Variants in MAT2B observed in about 807,000 individuals in gnomAD.
MAT2B encodes methionine adenosyltransferase 2 subunit beta.
In MAT2B, 16 loss-of-function variants were observed where a neutral mutation model predicts 36.1. The ratio of observed to expected loss-of-function variants is 0.44; its 90% CI spans 0.30 to 0.67. MAT2B has a LOEUF of 0.67. Among genes scored for constraint, MAT2B ranks in the 30% least tolerant of loss-of-function variants. The pLI is 0.09. For synonymous variants in MAT2B, 148 were observed against 136.9 expected (o/e 1.08, Z -0.57); for missense variants, 332 against 398.2 (o/e 0.83, Z 1.42).
chr5:163,503,204 C>T (rs1759875646), upstream of MAT2B: 2 of 550,722 alleles, frequency 3.6e-6, no homozygotes, highest in African/African-American at 1.9e-5. Context: ...TACCAGCTTA[C>T]TGCCATGTGG....
chr5:163,510,733 A>G (rs551730175), intron 1 of MAT2B, among the ~76,000 whole-genome samples: 1 of 152,304 alleles, frequency 6.6e-6, no homozygotes, highest in Non-Finnish European at 1.5e-5. Flanking sequence ...TTTTGGGTTA[A>G]CTAAGGAACA....
In MAT2B at chr5:163,518,196, A is replaced by G. The variant is rs376794098; in HGVS notation, c.838A>G (p.Thr280Ala). Residue 280 changes from threonine (T) to alanine (A), a missense_variant, in exon 7 of 7, where the codon ACT becomes GCT. By Grantham distance (58) the Thr-to-Ala change is moderately conservative. Coordinates refer to ENST00000321757, the MANE Select transcript of MAT2B (RefSeq NM_013283.5). ...TTGTGTTTATCTTTCTTTAAAGATT[A>G]CTGACAGCCCTGTCCTAGGAGCACA... ...NLPSSHLRPI[T>A]DSPVLGAQRP... The G allele has an allele frequency of 7.6e-6, 12 of 1,587,658 alleles. No homozygotes were observed. Among genetic ancestry groups the G allele is most frequent in the Non-Finnish European group, 9.4e-6 (11 of 1,170,302 alleles).
chr5:163,506,954 C>T (rs6882306), intron 1 of MAT2B, among the ~76,000 whole-genome samples: 125,470 of 152,222 alleles, frequency 0.82, 51,896 homozygotes, highest in East Asian at 0.93. Flanking sequence ...TCATAGTTAA[C>T]GTTAGAGAAG....
chr5:163,510,794 G>GT (rs1367847287), intron 1 of MAT2B, among the ~76,000 whole-genome samples: 1 of 152,118 alleles, frequency 6.6e-6, no homozygotes, highest in East Asian at 1.9e-4. Context: ...TAAGGACCAA[G>GT]TTTTTTTTCC....
At chr5:163,505,584 G>C, upstream of MAT2B, 1 of 1,247,474 alleles carries the variant, frequency 8.0e-7, no homozygotes, top group Non-Finnish European at 1.0e-6. Flanking sequence ...GGGTCGTTCT[G>C]GGCCTAGGGG....
intron 2 of MAT2B, chr5:163,512,771 C>G (rs1760066480): frequency 2.3e-6 from 1 of 427,388 alleles, no homozygotes; most frequent in African/African-American, 2.1e-5. Flanking sequence ...CCTCCGCCTC[C>G]CAGGGTTCAA....
chr5:163,512,488 A>G, intron 2 of MAT2B: 4 of 447,176 alleles, frequency 8.9e-6, no homozygotes, highest in Non-Finnish European at 1.6e-5. Context: ...TGTAAACCTC[A>G]CAACACTGCA....
chr5:163,503,151 A>T (rs1759874841), upstream of MAT2B: 1 of 446,050 alleles, frequency 2.2e-6, no homozygotes, highest in Non-Finnish European at 4.1e-6. Flanking sequence ...TTAAACATGA[A>T]ACTTCTCATT....
intron 1 of MAT2B, among the ~76,000 whole-genome samples, chr5:163,510,514 C>T (rs1760020840): frequency 6.6e-6 from 1 of 151,438 alleles, no homozygotes; most frequent in South Asian, 2.1e-4. Flanking sequence ...TCCCGCCTCG[C>T]CTCCCGAGTA....
chr5:163,513,999 G>A lies in MAT2B; in HGVS notation c.526+5G>A. The A allele has an allele frequency of 1.9e-6, 3 of 1,607,652 alleles. No homozygotes were observed. Among genetic ancestry groups the A allele is most frequent in the South Asian group, 2.2e-5 (2 of 89,584 alleles). ...CTGTCCTGGAGAACAATCTAGGTAA[G>A]ACCTAATCTATTTAGCCCCTGATTG... On this transcript the variant is annotated splice_donor_5th_base_variant and intron_variant, in intron 4 of 6. Transcript: ENST00000321757.
chr5:163,514,015 C>A, intron 4 of MAT2B, 21 bp downstream of exon 4: 1 of 1,580,088 alleles, frequency 6.3e-7, no homozygotes, highest in Admixed American at 1.9e-5. Flanking sequence ...ATCTATTTAG[C>A]CCCTGATTGT....
intron 1 of MAT2B, among the ~76,000 whole-genome samples, chr5:163,507,394 T>G (rs1759965249): frequency 6.6e-6 from 1 of 152,212 alleles, no homozygotes. Flanking sequence ...TGTACTTAAT[T>G]TTTCAAGAAA....
chr5:163,509,576 G>A (rs1760006344), intron 1 of MAT2B, among the ~76,000 whole-genome samples: 1 of 152,172 alleles, frequency 6.6e-6, no homozygotes, highest in Admixed American at 6.5e-5. Context: ...ACTGACCTTA[G>A]GAACTGTTAC....
chr5:163,505,790 C>T (rs1581211579), intron 1 of MAT2B, 41 bp downstream of exon 1: 2 of 1,246,292 alleles, frequency 1.6e-6, no homozygotes, highest in East Asian at 6.3e-5. Context: ...GGAGCGGGGG[C>T]GCCGAGGGGG....
At chr5:163,510,690 C>T (rs979701953) in intron 1 of MAT2B, among the ~76,000 whole-genome samples, 3 of 152,276 alleles carry the variant, frequency 2.0e-5, no homozygotes, top group Non-Finnish European at 2.9e-5. Flanking sequence ...AACCACTGCA[C>T]CTGGCCAATT....
chr5:163,518,430 CA>C lies in MAT2B; in HGVS notation c.*70del. 7.3e-7 allele frequency: 1 copy of C among 1,362,030 alleles called. No individual in the cohort carries two copies. 84.4% of individuals were successfully genotyped at this position (1,362,030 alleles called of 1,614,324 possible). A position where few individuals can be genotyped will look rare whatever the true frequency, so the allele number is the denominator to read the frequency against. On this transcript the variant is annotated 3_prime_UTR_variant, in exon 7 of 7. Transcript: ENST00000321757. ...ATAGTATGTGGCACTTTTTAAAGAA[CA>C]AAGGAAATAGTTTTGTATGAGTACT...
In MAT2B at chr5:163,506,813, A is replaced by G. The variant is rs530019810; in HGVS notation, c.63+1064A>G. The stretch of plus-strand genomic sequence containing the variant: ...AATCTACTTTCACAAAAAGAAGTTC[A>G]GTATAAAAATGAAAATAGCTTTTCG... On this transcript the variant is annotated intron_variant, in intron 1 of 6. Coordinates refer to ENST00000321757, the MANE Select transcript of MAT2B (RefSeq NM_013283.5). Among the ~76,000 whole-genome samples the G allele has an allele frequency of 8.5e-5, 13 of 152,324 alleles. No individual in the cohort carries two copies. The South Asian group carries it at 2.7e-3, about 32-fold the overall frequency.
upstream of MAT2B, among the ~76,000 whole-genome samples, chr5:163,504,522 G>A (rs1337279170): frequency 3.3e-5 from 5 of 152,172 alleles, no homozygotes; most frequent in African/African-American, 9.7e-5. Context: ...AACCAAAAAG[G>A]TTTAGGAGTC....
intron 1 of MAT2B, among the ~76,000 whole-genome samples, chr5:163,507,007 CA>C (rs1272723006): frequency 1.1e-4 from 16 of 152,106 alleles, no homozygotes; most frequent in Admixed American, 8.5e-4. Flanking sequence ...CTGTGGAGCA[CA>C]GTAGCGTCGC....
Sources: gnomAD v4.1 joint callset for allele counts (sites outside exome capture counted in the v4.1 genomes callset) on GRCh38, gnomAD v4.1.1 for gene constraint, MANE v1.5 for transcripts, NCBI Gene and HGNC (gene_info 2026-07-23, HGNC 2026-07-21) for gene names.